MACROD2: variants seen among roughly 807,000 people sequenced by gnomAD.
The protein encoded by MACROD2 is mono-ADP ribosylhydrolase 2, also known as ADP-ribose glycohydrolase MACROD2.
MACROD2 carries 36 observed loss-of-function variants against 70.4 expected under a neutral mutation model. The ratio of observed to expected loss-of-function variants is 0.51; its 90% CI spans 0.39 to 0.68. The LOEUF is 0.68. MACROD2 is among the 30% of genes least tolerant of loss of function. The pLI is 0.00. For synonymous variants in MACROD2, 172 were observed against 178.8 expected (o/e 0.96, Z 0.30); for missense variants, 496 against 538.4 (o/e 0.92, Z 0.78).
In MACROD2 at chr20:14,895,699, C is replaced by T. The variant is rs572421904; in HGVS notation, c.418+210740C>T. On this transcript the variant is annotated intron_variant, in intron 5 of 17. Transcript: ENST00000684519. ...TTCAATGTTTTATTAATTAATATTT[C>T]TAAAAGATAACTCTTTTTGAAAAGA... The T allele has an allele frequency of 8.8e-4, 134 of 152,068 alleles. 1 individual carries two copies. The highest frequency in any genetic ancestry group is 2.9e-3 in the African/African-American group (119 of 41,488). The allele number at this position is 152,068 out of a possible 1,614,324, so 9.4% of individuals were successfully genotyped here. A position where few individuals can be genotyped will look rare whatever the true frequency, so the allele number is the denominator to read the frequency against.
intron 5 of MACROD2, among the ~76,000 whole-genome samples, chr20:14,716,215 GT>G (rs1039527207): frequency 3.9e-5 from 6 of 152,110 alleles, no homozygotes; most frequent in African/African-American, 9.7e-5. Context: ...ATAAAAGATA[GT>G]TTTTTAAATG....
chr20:14,416,624 A>C (rs2083808293), intron 3 of MACROD2, among the ~76,000 whole-genome samples: 1 of 152,232 alleles, frequency 6.6e-6, no homozygotes, highest in Non-Finnish European at 1.5e-5. Context: ...CATTGTAGGA[A>C]GCATCCTGTT....
intron 6 of MACROD2, among the ~76,000 whole-genome samples, chr20:15,373,065 C>T (rs575107506): frequency 9.7e-4 from 147 of 152,096 alleles, no homozygotes; most frequent in Non-Finnish European, 1.8e-3. Context: ...AAAAAAAAAT[C>T]CTTTTCTATA....
intron 5 of MACROD2, among the ~76,000 whole-genome samples, chr20:15,147,346 T>G (rs1419470402): frequency 6.6e-6 from 1 of 152,184 alleles, no homozygotes; most frequent in Non-Finnish European, 1.5e-5. Flanking sequence ...AAGAATGTTT[T>G]ACATAGGAAA....
At chr20:14,210,450 C>A (rs1176683456) in intron 3 of MACROD2, among the ~76,000 whole-genome samples, 1 of 152,038 alleles carries the variant, frequency 6.6e-6, no homozygotes, top group East Asian at 1.9e-4. Context: ...GCAGTGAAGC[C>A]CATGGTGTGG....
At chr20:15,997,752 A>G (rs1384512024) in intron 15 of MACROD2, among the ~76,000 whole-genome samples, 1 of 152,100 alleles carries the variant, frequency 6.6e-6, no homozygotes, top group African/African-American at 2.4e-5. Flanking sequence ...GAGTAGGGGC[A>G]TCTTTGTCTT....
At chr20:14,517,331 A>G (rs1404195568) in intron 4 of MACROD2, among the ~76,000 whole-genome samples, 1 of 152,208 alleles carries the variant, frequency 6.6e-6, no homozygotes, top group Non-Finnish European at 1.5e-5. Context: ...AATGTGGCAC[A>G]TATACACCAT....
In MACROD2 at chr20:13,995,842, C is replaced by A; in HGVS notation, c.46+33C>A. Reference sequence around the variant, plus strand: ...GCCCGTCGAGTCCTGGGGGTGCGGGCGGTGGGGGTTAGGGTGGGGGCGGGG... The same window carrying A: ...GCCCGTCGAGTCCTGGGGGTGCGGGAGGTGGGGGTTAGGGTGGGGGCGGGG... On this transcript the variant is annotated intron_variant, in intron 1 of 17. Coordinates refer to ENST00000684519, the MANE Select transcript of MACROD2 (RefSeq NM_001351661.2). The surrounding 1 kb of genome is among the most constrained non-coding windows in gnomAD (Gnocchi z 4.3). The A allele has an allele frequency of 5.9e-6, 2 of 341,006 alleles. No individual in the cohort carries two copies. The highest frequency in any genetic ancestry group is 1.1e-5 in the Non-Finnish European group (2 of 182,484). The allele number at this position is 341,006 out of a possible 1,614,324, so 21.1% of individuals were successfully genotyped here. A position where few individuals can be genotyped will look rare whatever the true frequency, so the allele number is the denominator to read the frequency against.
chr20:15,041,188 A>G (rs1445472461), intron 5 of MACROD2, among the ~76,000 whole-genome samples: 4 of 152,216 alleles, frequency 2.6e-5, no homozygotes, highest in African/African-American at 9.6e-5. Flanking sequence ...TAAATGGGAA[A>G]GTTATTTTAA....
intron 5 of MACROD2, among the ~76,000 whole-genome samples, chr20:14,822,297 T>C (rs6079574): frequency 3.2e-4 from 48 of 152,122 alleles, no homozygotes; most frequent in Admixed American, 1.2e-3. Context: ...AAGATATTGT[T>C]CCACATAAGA....
intron 5 of MACROD2, among the ~76,000 whole-genome samples, chr20:14,738,566 G>A (rs1051526494): frequency 5.9e-5 from 9 of 152,124 alleles, no homozygotes; most frequent in Non-Finnish European, 1.0e-4. Context: ...GCTTAGAACA[G>A]TACTTAGCAA....
At chr20:14,109,954 G>C (rs138505134) in intron 3 of MACROD2, among the ~76,000 whole-genome samples, 1 of 151,978 alleles carries the variant, frequency 6.6e-6, no homozygotes, top group African/African-American at 2.4e-5. Context: ...TATCTCTGAT[G>C]AATATTGATA....
intron 5 of MACROD2, among the ~76,000 whole-genome samples, chr20:14,740,038 T>A (rs931090683): frequency 3.9e-5 from 6 of 152,136 alleles, no homozygotes; most frequent in Non-Finnish European, 8.8e-5. Flanking sequence ...CACCTATTAA[T>A]GATAGTGCTT....
At chr20:15,449,825 T>A (rs2046616910) in intron 7 of MACROD2, among the ~76,000 whole-genome samples, 1 of 152,038 alleles carries the variant, frequency 6.6e-6, no homozygotes, top group Non-Finnish European at 1.5e-5. Flanking sequence ...AAAACCCGTC[T>A]CTACTAAAAA....
At chr20:15,348,904 A>G (rs1223695383) in intron 6 of MACROD2, among the ~76,000 whole-genome samples, 1 of 152,116 alleles carries the variant, frequency 6.6e-6, no homozygotes, top group Non-Finnish European at 1.5e-5. Context: ...TACCGAAATA[A>G]TCTCAGTGCC....
chr20:14,467,414 A>C (rs1043408102), intron 3 of MACROD2, among the ~76,000 whole-genome samples: 1 of 152,110 alleles, frequency 6.6e-6, no homozygotes, highest in Non-Finnish European at 1.5e-5. Flanking sequence ...GAGTGATCCG[A>C]TTTTCCAGGT....
intron 5 of MACROD2, among the ~76,000 whole-genome samples, chr20:14,739,441 C>T (rs1232658842): frequency 6.6e-6 from 1 of 151,638 alleles, no homozygotes; most frequent in Non-Finnish European, 1.5e-5. Flanking sequence ...AACAATGTTA[C>T]CTGTGGGGTA....
chr20:14,617,554 A>G (rs1480711064), intron 4 of MACROD2, among the ~76,000 whole-genome samples: 1 of 152,082 alleles, frequency 6.6e-6, no homozygotes, highest in African/African-American at 2.4e-5. Context: ...ATGTTCTTTT[A>G]TCTGCAGACT....
At chr20:14,584,983 A>C (rs1332837311) in intron 4 of MACROD2, among the ~76,000 whole-genome samples, 3 of 152,122 alleles carry the variant, frequency 2.0e-5, no homozygotes, top group Admixed American at 6.6e-5. Flanking sequence ...TTTGGGAACA[A>C]ATCTTCTTTC....
Sources: allele counts gnomAD v4.1 joint callset (sites outside exome capture counted in the v4.1 genomes callset), GRCh38; gene constraint gnomAD v4.1.1; non-coding constraint Gnocchi (gnomAD v3.1); transcripts MANE v1.5; gene names NCBI Gene and HGNC (gene_info 2026-07-23, HGNC 2026-07-21).